ROBO1: variants seen among roughly 807,000 people sequenced by gnomAD.
ROBO1 encodes roundabout homolog 1.
A neutral mutation model predicts 195.9 loss-of-function variants in ROBO1; 149 were observed. The ratio of observed to expected loss-of-function variants is 0.76; its 90% CI spans 0.67 to 0.87. ROBO1 has a LOEUF of 0.87. Ranked by LOEUF, ROBO1 falls within the 40% of genes least tolerant of loss-of-function variation. The probability of loss-of-function intolerance (pLI) is 0.00; values close to 1 mark genes in which losing one functional copy is unlikely to be tolerated. For missense variants in ROBO1, 1,933 were observed against 2,068.3 expected (o/e 0.93, Z 1.27); for synonymous variants, 816 against 733.2 (o/e 1.11, Z -1.82).
intron 1 of ROBO1, among the ~76,000 whole-genome samples, chr3:79,598,680 A>G (rs1944252643): frequency 6.6e-6 from 1 of 152,036 alleles, no homozygotes; most frequent in African/African-American, 2.4e-5. Context: ...TACAAAAGAC[A>G]TAAACTCTTG....
At chr3:79,456,217 A>T (rs2039614398) in intron 2 of ROBO1, among the ~76,000 whole-genome samples, 1 of 152,180 alleles carries the variant, frequency 6.6e-6, no homozygotes, top group Admixed American at 6.6e-5. Context: ...GCAAATTAAC[A>T]CAATCTGTCA....
intron 18 of ROBO1, among the ~76,000 whole-genome samples, chr3:78,656,578 C>A (rs1452999555): frequency 6.6e-6 from 1 of 152,026 alleles, no homozygotes; most frequent in Non-Finnish European, 1.5e-5. Context: ...GTCTCGATCT[C>A]CTGACCTCGT....
chr3:79,183,035 C>T (rs1004818369), intron 2 of ROBO1, among the ~76,000 whole-genome samples: 2 of 146,416 alleles, frequency 1.4e-5, no homozygotes, highest in East Asian at 3.9e-4. Context: ...GAGCCGAGAT[C>T]GCGCCGCTGC....
At chr3:79,653,333 A>T (rs949416298) in intron 1 of ROBO1, among the ~76,000 whole-genome samples, 4 of 152,088 alleles carry the variant, frequency 2.6e-5, no homozygotes, top group African/African-American at 9.6e-5. Flanking sequence ...TAGAAGCTAG[A>T]ACCCCTTATC....
intron 2 of ROBO1, among the ~76,000 whole-genome samples, chr3:79,195,864 T>C (rs998997755): frequency 6.6e-6 from 1 of 151,504 alleles, no homozygotes; most frequent in Non-Finnish European, 1.5e-5. Flanking sequence ...TATTTATTAA[T>C]GCATATCTTT....
At chr3:78,706,293 G>T (rs1281790160) in intron 8 of ROBO1, among the ~76,000 whole-genome samples, 1 of 151,932 alleles carries the variant, frequency 6.6e-6, no homozygotes, top group African/African-American at 2.4e-5. Context: ...AAAGCCCAGA[G>T]ATAAGCTACA....
chr3:79,344,998 C>A (rs1437312604), intron 2 of ROBO1, among the ~76,000 whole-genome samples: 1 of 151,904 alleles, frequency 6.6e-6, no homozygotes, highest in Non-Finnish European at 1.5e-5. Flanking sequence ...GAGGCCTCCC[C>A]AGTCATGCAG....
Position 79,115,918 on chromosome 3 carries a change from G to A in ROBO1, c.172+9538C>T, listed in dbSNP as rs546377072. 2.6e-5 allele frequency among the ~76,000 whole-genome samples: 4 copies of A among 152,298 alleles called. No homozygotes were observed. In the East Asian group the frequency reaches 7.7e-4, roughly 29 times the overall value. On this transcript the variant is annotated intron_variant, in intron 3 of 30. Transcript: ENST00000464233. ...AATTATTTTCCAATGATAAAGTGAAGAAAGGACTGAAGATAGGCTGCTATA... is the reference window on the plus strand; with the variant it reads ...AATTATTTTCCAATGATAAAGTGAAAAAAGGACTGAAGATAGGCTGCTATA...
At chr3:78,888,843 A>T (rs1436388341) in intron 4 of ROBO1, among the ~76,000 whole-genome samples, 1 of 152,218 alleles carries the variant, frequency 6.6e-6, no homozygotes, top group African/African-American at 2.4e-5. Context: ...GCTGTAAAAT[A>T]GCTAGCTATT....
intron 10 of ROBO1, among the ~76,000 whole-genome samples, chr3:78,685,511 AC>A (rs1272020929): frequency 6.6e-6 from 1 of 152,160 alleles, no homozygotes; most frequent in Non-Finnish European, 1.5e-5. Context: ...TTTAGTATAA[AC>A]TTCTCCTTAG....
At chr3:78,631,132 GT>G in intron 25 of ROBO1, 28 bp downstream of exon 25, 1 of 1,596,458 alleles carries the variant, frequency 6.3e-7, no homozygotes, top group South Asian at 1.1e-5. Context: ...ATATTACACT[GT>G]TTACATCTGT....
chr3:79,028,001 G>T (rs894273347), intron 3 of ROBO1, among the ~76,000 whole-genome samples: 4 of 151,922 alleles, frequency 2.6e-5, no homozygotes, highest in South Asian at 4.1e-4. Flanking sequence ...TACCTACAAT[G>T]TTTTAATTAC....
intron 2 of ROBO1, among the ~76,000 whole-genome samples, chr3:79,408,186 C>T (rs2037625581): frequency 1.3e-5 from 2 of 151,366 alleles, no homozygotes; most frequent in South Asian, 4.2e-4. Context: ...CCATTGCACT[C>T]CAGTCTGGTC....
chr3:79,435,712 T>A (rs754251154), intron 2 of ROBO1, among the ~76,000 whole-genome samples: 1 of 152,178 alleles, frequency 6.6e-6, no homozygotes, highest in Non-Finnish European at 1.5e-5. Flanking sequence ...AGACATCCAT[T>A]ATAAAATTCT....
intron 2 of ROBO1, among the ~76,000 whole-genome samples, chr3:79,536,861 T>A (rs887726100): frequency 6.6e-6 from 1 of 152,174 alleles, no homozygotes; most frequent in East Asian, 1.9e-4. Context: ...GATAACATTC[T>A]TAAAGTCTGT....
chr3:78,712,017 CAAAAAAAAAAAAAAAA>C (rs56267632), intron 8 of ROBO1, among the ~76,000 whole-genome samples: 9 of 76,462 alleles, frequency 1.2e-4, no homozygotes, highest in African/African-American at 2.7e-4. Context: ...AAGACCTTGG[CAAAAAAAAAAAAAAAA>C]AAAAAAAAAA....
At chr3:78,864,281 G>T (rs1329270349) in intron 4 of ROBO1, among the ~76,000 whole-genome samples, 1 of 151,946 alleles carries the variant, frequency 6.6e-6, no homozygotes, top group Admixed American at 6.6e-5. Context: ...AAATAATTCT[G>T]GCATCCACAA....
chr3:79,221,364 A>T (rs532901934), intron 2 of ROBO1, among the ~76,000 whole-genome samples: 72 of 152,218 alleles, frequency 4.7e-4, no homozygotes, highest in Admixed American at 5.2e-4. Flanking sequence ...GAATTATAAG[A>T]TATTTTTGAC....
chr3:78,665,203 C>T (rs1300225172), intron 14 of ROBO1, among the ~76,000 whole-genome samples: 1 of 152,208 alleles, frequency 6.6e-6, no homozygotes, highest in Non-Finnish European at 1.5e-5. Context: ...TTACTCCATT[C>T]ATGAACTGAA....
Sources: allele counts gnomAD v4.1 joint callset (sites outside exome capture counted in the v4.1 genomes callset), GRCh38; gene constraint gnomAD v4.1.1; transcripts MANE v1.5; gene names NCBI Gene and HGNC (gene_info 2026-07-23, HGNC 2026-07-21).